Variants in GABRR3 observed in about 807,000 individuals in gnomAD.
The protein encoded by GABRR3 is gamma-aminobutyric acid type A receptor subunit rho3.
In GABRR3, 29 loss-of-function variants were observed where a neutral mutation model predicts 43.2. The observed-to-expected ratio is 0.67, with a 90% CI of 0.50 to 0.92. The LOEUF is 0.92. GABRR3 is among the 40% of genes least tolerant of loss of function. GABRR3 has a pLI of 0.00. For missense variants in GABRR3, 576 were observed against 572.3 expected, an observed-to-expected ratio of 1.01 and a Z score of -0.07; for synonymous variants, 206 against 195.9, an observed-to-expected ratio of 1.05 and a Z score of -0.43.
At chr3:97,994,519 T>C (rs545422781) in intron 8 of GABRR3, among the ~76,000 whole-genome samples, 81 of 152,298 alleles carry the variant, frequency 5.3e-4, no homozygotes, top group Non-Finnish European at 8.8e-4. Flanking sequence ...CTATCAACGA[T>C]CTGCATATCA....
chr3:97,985,262 C>G (rs184612550), downstream of GABRR3, among the ~76,000 whole-genome samples: 4 of 152,332 alleles, frequency 2.6e-5, no homozygotes, highest in Admixed American at 2.0e-4. Flanking sequence ...AAAATGAACA[C>G]TGATCATAGG....
At chr3:97,989,483 T>A (rs1175727960) in intron 9 of GABRR3, among the ~76,000 whole-genome samples, 2 of 149,672 alleles carry the variant, frequency 1.3e-5, no homozygotes, top group Non-Finnish European at 3.0e-5. Flanking sequence ...TGGTAGAGGG[T>A]GGATGGTGCT....
Position 98,001,292 on chromosome 3 carries a change from G to A in GABRR3, c.907+323C>T, listed in dbSNP as rs1045341010. On this transcript the variant is annotated intron_variant, in intron 8 of 9. Transcript: ENST00000621172. ...CTAAATGGACTTGTATAAAGCATGG[G>A]GAGGTTTTCTTAAAAAAGAAAAGAG... 5.2e-5 allele frequency: 14 copies of A among 267,386 alleles called. 1 individual carries two copies. In the South Asian group the frequency reaches 9.7e-4, roughly 18 times the overall value. 16.6% of individuals were successfully genotyped at this position (267,386 alleles called of 1,614,324 possible). A position where few individuals can be genotyped will look rare whatever the true frequency, so the allele number is the denominator to read the frequency against.
At chr3:98,010,849 C>T (rs1489990763) in intron 5 of GABRR3, among the ~76,000 whole-genome samples, 1 of 152,172 alleles carries the variant, frequency 6.6e-6, no homozygotes, top group African/African-American at 2.4e-5. Context: ...CCTGTAACGC[C>T]AGTACTTTGG....
chr3:98,013,747 G>A (rs1266270282), intron 4 of GABRR3, among the ~76,000 whole-genome samples: 2 of 152,096 alleles, frequency 1.3e-5, no homozygotes, highest in Non-Finnish European at 2.9e-5. Flanking sequence ...TTAGGGTGAG[G>A]GCAAATAAAC....
At chr3:98,028,186 G>T (rs1050406447) in intron 2 of GABRR3, among the ~76,000 whole-genome samples, 2 of 151,474 alleles carry the variant, frequency 1.3e-5, no homozygotes, top group Non-Finnish European at 2.9e-5. Flanking sequence ...TCTATGTATC[G>T]GCAAATGGGT....
chr3:97,994,336 G>C (rs1706508629), intron 8 of GABRR3, among the ~76,000 whole-genome samples: 1 of 152,146 alleles, frequency 6.6e-6, no homozygotes, highest in Non-Finnish European at 1.5e-5. Flanking sequence ...TTTTTAGTTT[G>C]TATGATCAAG....
chr3:97,991,187 T>C (rs1048500354), intron 9 of GABRR3, among the ~76,000 whole-genome samples: 17 of 152,196 alleles, frequency 1.1e-4, no homozygotes, highest in Non-Finnish European at 2.2e-4. Flanking sequence ...TGTTAGCCAC[T>C]CCTCGTATAA....
chr3:98,007,636 G>T, intron 7 of GABRR3, 128 bp downstream of exon 7: 1 of 959,526 alleles, frequency 1.0e-6, no homozygotes. Flanking sequence ...CCCTGTAAAA[G>T]GAGAGGAATG....
chr3:98,011,222 T>G (rs1706786960), intron 5 of GABRR3, among the ~76,000 whole-genome samples: 1 of 152,242 alleles, frequency 6.6e-6, no homozygotes, highest in African/African-American at 2.4e-5. Context: ...TAAGGTATTT[T>G]TAACGAGCAA....
chr3:98,011,064 C>T (rs1185374136), intron 5 of GABRR3, among the ~76,000 whole-genome samples: 2 of 152,182 alleles, frequency 1.3e-5, no homozygotes, highest in African/African-American at 2.4e-5. Flanking sequence ...TGTGCCACTG[C>T]ACCCCAGCCT....
chr3:98,001,267 C>A, intron 8 of GABRR3: 1 of 211,112 alleles, frequency 4.7e-6, no homozygotes, highest in Non-Finnish European at 9.6e-6. Context: ...TCCTGAAAAG[C>A]TAAATGGACT....
chr3:98,024,944 G>A lies in GABRR3; in HGVS notation c.238+623C>T, dbSNP rs965788095. On this transcript the variant is annotated intron_variant, in intron 3 of 9. Transcript: ENST00000621172. ...TTCATCTTCTTTACCTGCCATCGCA[G>A]CTCAGCTCTACCACTTTCTGTTTTC... Among the ~76,000 whole-genome samples, 49 of 152,302 alleles carry A rather than the reference G, an allele frequency of 3.2e-4. 1 individual carries two copies. Among genetic ancestry groups the A allele is most frequent in the African/African-American group, 1.2e-3 (48 of 41,560 alleles).
intron 2 of GABRR3, among the ~76,000 whole-genome samples, chr3:98,027,712 T>C (rs955576056): frequency 1.3e-5 from 2 of 152,256 alleles, no homozygotes; most frequent in Non-Finnish European, 2.9e-5. Flanking sequence ...AAAGGATCTG[T>C]TGCTTAAATA....
chr3:97,986,347 G>A (rs1559771781), downstream of GABRR3, among the ~76,000 whole-genome samples: 1 of 152,110 alleles, frequency 6.6e-6, no homozygotes, highest in East Asian at 1.9e-4. Flanking sequence ...AAATATCTTT[G>A]AATTATTGTT....
intron 8 of GABRR3, among the ~76,000 whole-genome samples, chr3:97,994,462 C>T (rs1214280004): frequency 1.3e-5 from 2 of 152,186 alleles, no homozygotes; most frequent in South Asian, 2.1e-4. Flanking sequence ...TAACATTGAA[C>T]ACAGACCACT....
In GABRR3 at chr3:98,034,939, A is replaced by G. The variant is rs369303504; in HGVS notation, c.49T>C (p.Leu17=). The change falls in exon 2 of 10, where the codon TTG becomes CTG. Residue 17 remains leucine, a synonymous_variant. Coordinates refer to ENST00000621172, the Ensembl canonical transcript of GABRR3. ...GAAGCAGCACAAACATTTGGTTTCA[A>G]TATGATCCAGATGTAGGTGAAGGAG... 43 of 1,612,988 alleles carry G rather than the reference A, an allele frequency of 2.7e-5. No homozygotes were observed. In the African/African-American group the frequency reaches 4.5e-4, roughly 17 times the overall value.
intron 9 of GABRR3, 76 bp from the exon 10 acceptor site, chr3:97,987,058 A>G: frequency 1.0e-6 from 1 of 988,680 alleles, no homozygotes; most frequent in African/African-American, 1.6e-5. Flanking sequence ...TAATGTTAAT[A>G]AAGTTAAATA....
chr3:97,993,832 C>T (rs1706503003), intron 8 of GABRR3, among the ~76,000 whole-genome samples: 1 of 151,780 alleles, frequency 6.6e-6, no homozygotes, highest in African/African-American at 2.4e-5. Context: ...TTCCCCTCTT[C>T]CTTTTACTTC....
Sources: gnomAD v4.1 joint callset for allele counts (sites outside exome capture counted in the v4.1 genomes callset) on GRCh38, gnomAD v4.1.1 for gene constraint, MANE v1.5 for transcripts, NCBI Gene and HGNC (gene_info 2026-07-23, HGNC 2026-07-21) for gene names.